The following SYNE1 variants were observed in gnomAD, a reference collection of about 807,000 sequenced individuals.
The protein encoded by SYNE1 is nesprin-1.
A neutral mutation model predicts 1,111.0 loss-of-function variants in SYNE1; 616 were observed. The ratio of observed to expected loss-of-function variants is 0.55; its 90% CI spans 0.52 to 0.59. The LOEUF is 0.59. Ranked by LOEUF, SYNE1 falls within the 20% of genes least tolerant of loss-of-function variation. The probability of loss-of-function intolerance (pLI) is 0.00; values close to 1 mark genes in which losing one functional copy is unlikely to be tolerated. For missense variants in SYNE1, 10,006 were observed against 10,417.0 expected (o/e 0.96, Z 1.72); for synonymous variants, 3,855 against 3,825.8 (o/e 1.01, Z -0.28).
rs1591660068 is a variant in SYNE1 at position 152,387,323 on chromosome 6, C to T, written c.8236G>A (p.Glu2746Lys). 3.1e-6 allele frequency: 5 copies of T among 1,614,178 alleles called. No homozygotes were observed. The highest frequency in any genetic ancestry group is 4.2e-6 in the Non-Finnish European group (5 of 1,180,026). Residue 2746 changes from glutamate (E) to lysine (K), a missense_variant, in exon 54 of 146, where the codon GAG (glutamate) becomes AAG (lysine). Glu to Lys is a moderately conservative substitution (Grantham distance 56). This residue lies in a region of SYNE1 where 4,955 missense variants were observed against 5,017.2 expected (regional missense o/e 0.99). Coordinates refer to ENST00000367255, the MANE Select transcript of SYNE1 (RefSeq NM_182961.4). ...TGATCCACTGATTCCATCCACTGCT[C>T]CAACTGGTTTTTCCTCTCTACATAG... Reference protein sequence around the residue: ...NDYVERKNQLEQWMESVDQKI... With the variant: ...NDYVERKNQLKQWMESVDQKI...
At chr6:152,566,985 CTGTGTGTGTGTGTGTGTGTGTG>C (rs59526151) in intron 3 of SYNE1, among the ~76,000 whole-genome samples, 5 of 146,650 alleles carry the variant, frequency 3.4e-5, no homozygotes, top group African/African-American at 1.3e-4. Flanking sequence ...TCTTCACATA[CTGTGTGTGTGTGTGTGTGTGTG>C]TGTGTGTGTG....
chr6:152,448,204 G>T (rs2098609036), intron 28 of SYNE1, among the ~76,000 whole-genome samples: 2 of 152,198 alleles, frequency 1.3e-5, no homozygotes, highest in Non-Finnish European at 2.9e-5. Flanking sequence ...AATTTAGGAA[G>T]CGAGGCTTTA....
chr6:152,628,165 A>T (rs572752493), intron 3 of SYNE1, 100 bp downstream of exon 3: 10 of 1,314,350 alleles, frequency 7.6e-6, no homozygotes, highest in Middle Eastern at 2.1e-4. Flanking sequence ...ATTCTGGGCT[A>T]TAATTCCATG....
intron 3 of SYNE1, among the ~76,000 whole-genome samples, chr6:152,573,237 T>C (rs1419839554): frequency 6.6e-6 from 1 of 151,746 alleles, no homozygotes. Context: ...AACGTGCAGG[T>C]TTGTTACATA....
chr6:152,233,377 G>C (rs1281801076), intron 112 of SYNE1, among the ~76,000 whole-genome samples: 1 of 151,924 alleles, frequency 6.6e-6, no homozygotes. Flanking sequence ...ACCCAGGCTG[G>C]AGTGCAGTGG....
Position 152,339,318 on chromosome 6 carries a change from G to C in SYNE1, c.12274C>G (p.Leu4092Val). 6.2e-7 allele frequency: 1 copy of C among 1,614,088 alleles called. No homozygotes were observed. Among genetic ancestry groups the C allele is most frequent in the South Asian group, 1.1e-5 (1 of 91,082 alleles). The stretch of plus-strand genomic sequence containing the variant: ...GACAGGTCACACATGGAGCAAAGGA[G>C]ATCTAGGTAGGTCCTTGCCTGCTCT... Reference protein sequence around the residue: ...LQEQARTYLDLLCSMCDLSNA... With the variant: ...LQEQARTYLDVLCSMCDLSNA... The change falls in exon 75 of 146, where the codon CTC becomes GTC. Residue 4092 changes from leucine (L) to valine (V), a missense_variant. Physicochemically the swap from Leu to Val is conservative, Grantham distance 32. This residue lies in a region of SYNE1 where 4,955 missense variants were observed against 5,017.2 expected (regional missense o/e 0.99). Coordinates refer to ENST00000367255, the MANE Select transcript of SYNE1 (RefSeq NM_182961.4).
intron 74 of SYNE1, among the ~76,000 whole-genome samples, chr6:152,343,364 G>A (rs1430716179): frequency 6.6e-6 from 1 of 151,276 alleles, no homozygotes; most frequent in Non-Finnish European, 1.5e-5. Flanking sequence ...TCACCATGTT[G>A]GCCAGGATGG....
chr6:152,447,816 C>CT (rs2154245767), intron 28 of SYNE1, among the ~76,000 whole-genome samples, 194 bp from the exon 29 acceptor site: 1 of 152,274 alleles, frequency 6.6e-6, no homozygotes, highest in African/African-American at 2.4e-5. Context: ...TGAAAGAAAA[C>CT]TGTTGTCTAT....
intron 3 of SYNE1, among the ~76,000 whole-genome samples, chr6:152,591,938 A>G (rs1488222537): frequency 6.6e-6 from 1 of 152,218 alleles, no homozygotes; most frequent in Non-Finnish European, 1.5e-5. Flanking sequence ...ATCATTAATC[A>G]TCAGAAAAAT....
intron 11 of SYNE1, among the ~76,000 whole-genome samples, chr6:152,493,748 T>A (rs1014300678): frequency 6.6e-6 from 1 of 152,190 alleles, no homozygotes; most frequent in African/African-American, 2.4e-5. Flanking sequence ...CTGTTGATCG[T>A]GTCCGGCTAA....
chr6:152,415,521 C>A (rs1196290644), intron 41 of SYNE1, among the ~76,000 whole-genome samples: 2 of 152,126 alleles, frequency 1.3e-5, no homozygotes, highest in African/African-American at 4.8e-5. Context: ...AATGAGCTTG[C>A]ACCAGTCTCT....
Position 152,234,762 on chromosome 6 carries a change from T to G in SYNE1, c.20435A>C (p.Gln6812Pro). The G allele has an allele frequency of 1.2e-6, 2 of 1,614,214 alleles. No individual in the cohort carries two copies. The highest frequency in any genetic ancestry group is 1.7e-6 in the Non-Finnish European group (2 of 1,180,026). Reference protein sequence around the residue: ...SESADLIHWLQSAKDRLEFWT... With the variant: ...SESADLIHWLPSAKDRLEFWT... ...AAATTCTAGCCGGTCTTTTGCAGAT[T>G]GTAACCAGTGAATTAGATCTGCAGA... The change falls in exon 111 of 146, where the codon CAA becomes CCA. Residue 6812 changes from glutamine (Q) to proline (P), a missense_variant. Transcript: ENST00000367255.
chr6:152,597,699 T>G (rs756925583), intron 3 of SYNE1, among the ~76,000 whole-genome samples: 1 of 152,202 alleles, frequency 6.6e-6, no homozygotes, highest in Non-Finnish European at 1.5e-5. Context: ...AAACAGCTAC[T>G]TGTAATGAAT....
At chr6:152,155,167 C>A in intron 132 of SYNE1, 125 bp from the exon 133 acceptor site, 1 of 1,191,442 alleles carries the variant, frequency 8.4e-7, no homozygotes, top group Non-Finnish European at 1.2e-6. Flanking sequence ...AAACGATAAC[C>A]ATTCCTCGAG....
intron 4 of SYNE1, among the ~76,000 whole-genome samples, chr6:152,527,457 A>G (rs1594724082): frequency 2.0e-5 from 3 of 152,346 alleles, no homozygotes; most frequent in East Asian, 3.9e-4. Context: ...TTACATAGCA[A>G]AAATGTAATA....
At chr6:152,141,075 TG>T in intron 139 of SYNE1, 127 bp downstream of exon 139, 4 of 1,342,606 alleles carry the variant, frequency 3.0e-6, no homozygotes, top group African/African-American at 1.4e-5. Context: ...TGTTATAACT[TG>T]GAAGGAAGTT....
At chr6:152,515,951 G>T (rs566465671) in intron 6 of SYNE1, among the ~76,000 whole-genome samples, 1 of 152,176 alleles carries the variant, frequency 6.6e-6, no homozygotes, top group Non-Finnish European at 1.5e-5. Flanking sequence ...TATTCCCTAA[G>T]TCAAACTAAA....
At chr6:152,155,078 T>C in intron 132 of SYNE1, 36 bp from the exon 133 acceptor site, 13 of 1,613,708 alleles carry the variant, frequency 8.1e-6, no homozygotes, top group Non-Finnish European at 1.1e-5. Flanking sequence ...TTCAGATTAT[T>C]GGAGACTGTT....
intron 100 of SYNE1, among the ~76,000 whole-genome samples, chr6:152,263,824 T>A (rs1038426059): frequency 7.2e-5 from 11 of 152,110 alleles, no homozygotes; most frequent in African/African-American, 2.7e-4. Context: ...ATGAAGATAG[T>A]ATCTACCTTG....
Sources: gnomAD v4.1 joint callset for allele counts (sites outside exome capture counted in the v4.1 genomes callset) on GRCh38, gnomAD v4.1.1 for gene constraint, gnomAD v4.1.1 regional missense constraint, MANE v1.5 for transcripts, NCBI Gene and HGNC (gene_info 2026-07-23, HGNC 2026-07-21) for gene names.